The following VSIG10 variants were observed in gnomAD, a reference collection of about 807,000 sequenced individuals.
VSIG10 encodes V-set and immunoglobulin domain-containing protein 10.
VSIG10 carries 48 observed loss-of-function variants against 58.7 expected under a neutral mutation model. The ratio of observed to expected loss-of-function variants is 0.82; its 90% CI spans 0.65 to 1.04. VSIG10 has a LOEUF of 1.04. Among genes scored for constraint, VSIG10 ranks in the 50% least tolerant of loss-of-function variants. The pLI, the probability that VSIG10 is intolerant of heterozygous loss-of-function variation, is 0.00. For synonymous variants in VSIG10, 260 were observed against 267.1 expected, an observed-to-expected ratio of 0.97 and a Z score of 0.26; for missense variants, 628 against 670.0, an observed-to-expected ratio of 0.94 and a Z score of 0.69.
chr12:118,071,724 C>A (rs73217980), intron 5 of VSIG10, among the ~76,000 whole-genome samples: 14,279 of 152,232 alleles, frequency 0.094, 871 homozygotes, highest in Admixed American at 0.13. Context: ...GAGACTATTT[C>A]TAAGGCCATG....
At chr12:118,093,028 G>A (rs951535368) in intron 2 of VSIG10, among the ~76,000 whole-genome samples, 12 of 151,670 alleles carry the variant, frequency 7.9e-5, no homozygotes, top group Admixed American at 4.0e-4. Context: ...GGTGGCTCAC[G>A]CCTGTAATCC....
At position 118,083,933 on chromosome 12, in the gene VSIG10, C is replaced by A. The variant is rs553534386; in HGVS notation, c.362-1504G>T. On this transcript the variant is annotated intron_variant, in intron 2 of 8. Coordinates refer to ENST00000359236, the MANE Select transcript of VSIG10 (RefSeq NM_019086.6). ...CCCAGGAGTTCGAGACCAGCCTGGGCAACATGGCAAAACCCCATCTCAAAA... is the reference window on the plus strand; with the variant it reads ...CCCAGGAGTTCGAGACCAGCCTGGGAAACATGGCAAAACCCCATCTCAAAA... Among the ~76,000 whole-genome samples the A allele has an allele frequency of 1.2e-3, 175 of 151,658 alleles. 1 individual carries two copies. Among genetic ancestry groups the A allele is most frequent in the African/African-American group, 4.1e-3 (169 of 41,400 alleles).
intron 1 of VSIG10, among the ~76,000 whole-genome samples, chr12:118,096,520 C>A (rs67007670): frequency 1.3e-5 from 2 of 149,380 alleles, no homozygotes; most frequent in African/African-American, 4.9e-5. Context: ...AGAGGTTGCG[C>A]TGAGCCGAGA....
intron 8 of VSIG10, 123 bp from the exon 9 acceptor site, chr12:118,066,817 T>C (rs2032265383): frequency 9.2e-7 from 1 of 1,087,470 alleles, no homozygotes; most frequent in Non-Finnish European, 1.3e-6. Flanking sequence ...TGGGATCTCA[T>C]GGAGAAGGTA....
At position 118,095,650 on chromosome 12, in the gene VSIG10, G is replaced by A. The variant is rs2033427769; in HGVS notation, c.244C>T (p.Leu82=). 1 of 1,613,868 alleles carries A rather than the reference G, an allele frequency of 6.2e-7. No individual in the cohort carries two copies. Among genetic ancestry groups the A allele is most frequent in the South Asian group, 1.1e-5 (1 of 91,092 alleles). ...SLRPAEPRFS[L]VDATSLHIES... ...ATGTGCAGGGAGGTGGCATCCACTA[G>A]AGAGAAGCGAGGCTCAGCTGGCCGG... The change falls in exon 2 of 9, where the codon CTA becomes TTA. Residue 82 remains leucine (L), a synonymous_variant. Transcript: ENST00000359236.
Position 118,082,215 on chromosome 12 carries a change from C to T in VSIG10, c.576G>A (p.Ser192=), listed in dbSNP as rs1422862839. 56 of 1,613,424 alleles carry T rather than the reference C, an allele frequency of 3.5e-5. No homozygotes were observed. Among genetic ancestry groups the T allele is most frequent in the Non-Finnish European group, 4.3e-5 (51 of 1,179,816 alleles). Residue 192 remains serine, a synonymous_variant, in exon 3 of 9, where the codon TCG becomes TCA. Transcript: ENST00000359236. ...AGGTGTAGTTCCCTTGGAGGTTTGG[C>T]GATATCAGTAACAGTGAGAAAAAGT... ...TVNFFSLLLI[S]PNLQGNYTCL... is the part of the protein sequence containing the mutation.
rs367941647 is a variant in VSIG10, at chr12:118,074,031, A to G, written c.926-39T>C. ...GGTAAACAAAGACAAATGTTTAAAG[A>G]GATTCAAGTCATGGCCTGAGATCTG... On this transcript the variant is annotated intron_variant, in intron 4 of 8. Coordinates refer to ENST00000359236, the MANE Select transcript of VSIG10 (RefSeq NM_019086.6). 3.5e-5 allele frequency: 53 copies of G among 1,511,950 alleles called. No homozygotes were observed. In the African/African-American group the frequency reaches 6.7e-4, roughly 19 times the overall value. 93.7% of individuals were successfully genotyped at this position (1,511,950 alleles called of 1,614,324 possible). A position where few individuals can be genotyped will look rare whatever the true frequency, so the allele number is the denominator to read the frequency against.
At chr12:118,068,691 C>T (rs2032359765) in intron 7 of VSIG10, 94 bp from the exon 8 acceptor site, 2 of 1,386,778 alleles carry the variant, frequency 1.4e-6, no homozygotes, top group Non-Finnish European at 9.5e-7. Context: ...CTTTGCAACC[C>T]CATTAGTAAT....
At chr12:118,094,282 G>A (rs1461633767) in intron 2 of VSIG10, among the ~76,000 whole-genome samples, 2 of 152,190 alleles carry the variant, frequency 1.3e-5, no homozygotes, top group African/African-American at 4.8e-5. Context: ...CTGTAACTTT[G>A]TTACATAATA....
chr12:118,096,955 T>A (rs35843159), intron 1 of VSIG10, among the ~76,000 whole-genome samples: 19,143 of 151,298 alleles, frequency 0.13, 1,306 homozygotes, highest in South Asian at 0.16. Context: ...GGGAGAATCG[T>A]TTGAACCCAG....
chr12:118,083,858 A>T (rs2137907134), intron 2 of VSIG10, among the ~76,000 whole-genome samples: 1 of 151,536 alleles, frequency 6.6e-6, no homozygotes, highest in South Asian at 2.1e-4. Flanking sequence ...ACGGTGGCTC[A>T]TGCCTGCAAT....
intron 4 of VSIG10, among the ~76,000 whole-genome samples, chr12:118,076,672 C>CT (rs11342062): frequency 1.1e-3 from 172 of 151,418 alleles, no homozygotes; most frequent in Non-Finnish European, 1.4e-3. Flanking sequence ...TTACCTTTCC[C>CT]TTTTTTTTGT....
In VSIG10 at chr12:118,066,511, G is replaced by A; in HGVS notation, c.*128C>T. ...TGTGTGCTTGGTTTTGTTTTTTGCT[G>A]AGACCCAAACATTGTTAGTGCAAGC... On this transcript the variant is annotated 3_prime_UTR_variant, in exon 9 of 9. Coordinates refer to ENST00000359236, the MANE Select transcript of VSIG10 (RefSeq NM_019086.6). 2 of 957,214 alleles carry A rather than the reference G, an allele frequency of 2.1e-6. No individual in the cohort carries two copies. Among genetic ancestry groups the A allele is most frequent in the Non-Finnish European group, 3.3e-6 (2 of 599,918 alleles). 59.3% of individuals were successfully genotyped at this position (957,214 alleles called of 1,614,324 possible). A position where few individuals can be genotyped will look rare whatever the true frequency, so the allele number is the denominator to read the frequency against.
intron 7 of VSIG10, among the ~76,000 whole-genome samples, chr12:118,069,094 T>C (rs912641840): frequency 6.6e-6 from 1 of 150,848 alleles, no homozygotes; most frequent in Non-Finnish European, 1.5e-5. Context: ...ACATTTCTTT[T>C]TTTTTTCTTT....
chr12:118,081,818 A>G (rs2032958582), intron 3 of VSIG10, among the ~76,000 whole-genome samples: 2 of 152,170 alleles, frequency 1.3e-5, no homozygotes, highest in African/African-American at 4.8e-5. Context: ...GGAGTTCAAG[A>G]CCAGCCTGAC....
chr12:118,096,551 C>T (rs2033463943), intron 1 of VSIG10, among the ~76,000 whole-genome samples: 1 of 147,436 alleles, frequency 6.8e-6, no homozygotes. Context: ...GCACTCCAGC[C>T]TGGGCAACAA....
Position 118,082,193 on chromosome 12 carries a change from T to G in VSIG10, c.598A>C (p.Thr200Pro). The G allele has an allele frequency of 6.2e-7, 1 of 1,613,822 alleles. No homozygotes were observed. Among genetic ancestry groups the G allele is most frequent in the Non-Finnish European group, 8.5e-7 (1 of 1,179,872 alleles). ...CTGAGCTGATTCAAGGCTAAACAGG[T>G]GTAGTTCCCTTGGAGGTTTGGCGAT... ...LISPNLQGNY[T>P]CLALNQLSKR... The change falls in exon 3 of 9, where the codon ACC becomes CCC. Residue 200 changes from threonine (T) to proline (P), a missense_variant. Physicochemically the swap from Thr to Pro is conservative, Grantham distance 38 (BLOSUM62 -1). Coordinates refer to ENST00000359236, the MANE Select transcript of VSIG10 (RefSeq NM_019086.6).
chr12:118,064,313 C>T lies in VSIG10; in HGVS notation c.*2326G>A, dbSNP rs1462199849. The T allele has an allele frequency of 6.6e-6, 1 of 152,180 alleles. No individual in the cohort carries two copies. The highest frequency in any genetic ancestry group is 1.5e-5 in the Non-Finnish European group (1 of 68,036). 9.4% of individuals were successfully genotyped at this position (152,180 alleles called of 1,614,324 possible). A position where few individuals can be genotyped will look rare whatever the true frequency, so the allele number is the denominator to read the frequency against. On this transcript the variant is annotated 3_prime_UTR_variant, in exon 9 of 9. Transcript: ENST00000359236. ...AGTGTTTGACACCAGGACCATGAAG[C>T]TCCCATTTGGTAGTGGAAAAACCCT...
At position 118,064,683 on chromosome 12, in the gene VSIG10, T is replaced by C. The variant is rs892331636; in HGVS notation, c.*1956A>G. On this transcript the variant is annotated 3_prime_UTR_variant, in exon 9 of 9. Coordinates refer to ENST00000359236, the MANE Select transcript of VSIG10 (RefSeq NM_019086.6). ...CAAAAGACAAAAAGCAAAAAGCCAGTAGACCTGCAATTCACAGCTATTCCT... is the reference window on the plus strand; with the variant it reads ...CAAAAGACAAAAAGCAAAAAGCCAGCAGACCTGCAATTCACAGCTATTCCT... 8 of 152,206 alleles carry C rather than the reference T, an allele frequency of 5.3e-5. No individual in the cohort carries two copies. The highest frequency in any genetic ancestry group is 1.9e-4 in the African/African-American group (8 of 41,430). The allele number at this position is 152,206 out of a possible 1,614,324, so 9.4% of individuals were successfully genotyped here.
Sources: allele counts gnomAD v4.1 joint callset (sites outside exome capture counted in the v4.1 genomes callset), GRCh38; gene constraint gnomAD v4.1.1; transcripts MANE v1.5; gene names NCBI Gene and HGNC (gene_info 2026-07-23, HGNC 2026-07-21).